The following TCF25 variants were observed in gnomAD, a reference collection of about 807,000 sequenced individuals.
TCF25 encodes ribosome quality control complex subunit TCF25.
Under a neutral mutation model 83.1 loss-of-function variants are expected in TCF25, and 41 were observed. That is an observed-to-expected ratio of 0.49 (90% confidence interval 0.38 to 0.64). TCF25 has a LOEUF of 0.64. Ranked by LOEUF, TCF25 falls within the 30% of genes least tolerant of loss-of-function variation. The pLI is 0.00. For missense variants in TCF25, 979 were observed against 914.5 expected, an observed-to-expected ratio of 1.07 and a Z score of -0.91; for synonymous variants, 458 against 365.0, an observed-to-expected ratio of 1.25 and a Z score of -2.90.
intron 9 of TCF25, among the ~76,000 whole-genome samples, chr16:89,896,859 A>G (rs975101848): frequency 3.9e-5 from 6 of 152,044 alleles, no homozygotes; most frequent in African/African-American, 1.4e-4. Context: ...CGGCCACTAC[A>G]GAACATTTTA....
intron 9 of TCF25, among the ~76,000 whole-genome samples, chr16:89,896,351 C>G (rs555724624): frequency 6.6e-6 from 1 of 152,142 alleles, no homozygotes; most frequent in East Asian, 1.9e-4. Flanking sequence ...CAAGTCCAGC[C>G]TGGGCACCAT....
At chr16:89,906,346 C>T (rs748753778) in intron 15 of TCF25, 62 bp downstream of exon 15, 2 of 1,543,734 alleles carry the variant, frequency 1.3e-6, no homozygotes, top group Non-Finnish European at 1.8e-6. Context: ...GTCCCTTCTG[C>T]TCCGGGCGGT....
chr16:89,906,265 C>T lies in TCF25; in HGVS notation c.1700C>T (p.Ala567Val). Residue 567 changes from alanine (A) to valine (V), a missense_variant, in exon 15 of 18, where the codon GCC becomes GTC. By Grantham distance (64) the Ala-to-Val change is moderately conservative. Coordinates refer to ENST00000263346, the MANE Select transcript of TCF25 (RefSeq NM_014972.3). ...RHVILSEIKEAVAALPPDVTT... is the reference protein window; with the variant it reads ...RHVILSEIKEVVAALPPDVTT... Reference sequence around the variant, plus strand: ...GTGATCCTCTCTGAGATCAAGGAAGCCGTCGCTGCCCTGCCCCCGGTAAGG... The same window carrying T: ...GTGATCCTCTCTGAGATCAAGGAAGTCGTCGCTGCCCTGCCCCCGGTAAGG... The T allele has an allele frequency of 6.2e-7, 1 of 1,613,192 alleles. No individual in the cohort carries two copies.
chr16:89,905,941 C>G (rs1448759896), intron 14 of TCF25, among the ~76,000 whole-genome samples: 1 of 152,196 alleles, frequency 6.6e-6, no homozygotes, highest in Non-Finnish European at 1.5e-5. Flanking sequence ...CGGCTCTCAT[C>G]GTTCTTGTTC....
Position 89,873,667 on chromosome 16 carries a change from T to A in TCF25, c.-1T>A. The A allele has an allele frequency of 6.3e-7, 1 of 1,596,350 alleles. No individual in the cohort carries two copies. The highest frequency in any genetic ancestry group is 8.5e-7 in the Non-Finnish European group (1 of 1,174,566). ...TCCAGACGTCGTGGTCGTTCGGTCC[T>A]ATGTCGCGCCGGGCCCTCCGGAGGC... On this transcript the variant is annotated 5_prime_UTR_variant, in exon 1 of 18. Transcript: ENST00000263346.
At chr16:89,878,583 T>G (rs1038561256) in intron 1 of TCF25, 21 of 1,171,082 alleles carry the variant, frequency 1.8e-5, no homozygotes, top group Non-Finnish European at 2.0e-5. Flanking sequence ...TTGTGAAATG[T>G]TCCCCATTTG....
At chr16:89,890,953 C>T (rs1037283348) in intron 5 of TCF25, among the ~76,000 whole-genome samples, 2 of 152,124 alleles carry the variant, frequency 1.3e-5, no homozygotes, top group Admixed American at 6.6e-5. Context: ...CCTGCTCCTC[C>T]AAGACAAAGA....
Position 89,904,990 on chromosome 16 carries a change from TTTC to T in TCF25, c.1524_1526del (p.Leu509del). On this transcript the variant is annotated inframe_deletion, in exon 14 of 18. Coordinates refer to ENST00000263346, the MANE Select transcript of TCF25 (RefSeq NM_014972.3). ...GAACCTGTACCTTGGGAGGTCACAC[TTTC>T]TCTGGAAAGAGCCCGCCACCATGAG... 1 of 1,607,918 alleles carries T rather than the reference TTTC, an allele frequency of 6.2e-7. No homozygotes were observed. Among genetic ancestry groups the T allele is most frequent in the Non-Finnish European group, 8.5e-7 (1 of 1,177,580 alleles).
In TCF25 at chr16:89,910,679, C is replaced by A; in HGVS notation, c.1872+16C>A. 6.2e-7 allele frequency: 1 copy of A among 1,612,898 alleles called. No individual in the cohort carries two copies. The highest frequency in any genetic ancestry group is 8.5e-7 in the Non-Finnish European group (1 of 1,179,728). ...TACCATGGAGGTAGGTTGAGCTCGTCCCAGCCCCTGCCTCCCCAGTGGGTG... is the reference window on the plus strand; with the variant it reads ...TACCATGGAGGTAGGTTGAGCTCGTACCAGCCCCTGCCTCCCCAGTGGGTG... On this transcript the variant is annotated intron_variant, in intron 17 of 17. Transcript: ENST00000263346.
chr16:89,881,216 C>T (rs920205581), intron 1 of TCF25, among the ~76,000 whole-genome samples: 2 of 152,176 alleles, frequency 1.3e-5, no homozygotes, highest in African/African-American at 2.4e-5. Flanking sequence ...CTTCAGCAAC[C>T]GCAGCCGGGG....
intron 11 of TCF25, among the ~76,000 whole-genome samples, chr16:89,899,694 C>G (rs1401155144): frequency 6.6e-6 from 1 of 151,750 alleles, no homozygotes; most frequent in Non-Finnish European, 1.5e-5. Context: ...CGCCATTGCA[C>G]TCCAGTCTGG....
At chr16:89,886,178 A>G (rs1356737832) in intron 4 of TCF25, 1 of 541,706 alleles carries the variant, frequency 1.8e-6, no homozygotes, top group Non-Finnish European at 3.5e-6. Context: ...CTGTAATCCC[A>G]GCACTTTGGG....
intron 14 of TCF25, 52 bp from the exon 15 acceptor site, chr16:89,906,142 C>T: frequency 2.0e-6 from 3 of 1,526,704 alleles, no homozygotes; most frequent in Non-Finnish European, 2.7e-6. Flanking sequence ...TGGCGGTTAC[C>T]ATTTCATTTG....
Position 89,898,759 on chromosome 16 carries a change from T to C in TCF25, c.1116-8T>C. ...CCTTTGCTCTGCTCTCTGTGCTGCC[T>C]CCGGAAGTCTCGAGCCGGATGAGGA... On this transcript the variant is annotated splice_polypyrimidine_tract_variant and splice_region_variant and intron_variant, in intron 10 of 17. Coordinates refer to ENST00000263346, the MANE Select transcript of TCF25 (RefSeq NM_014972.3). The C allele has an allele frequency of 6.2e-7, 1 of 1,613,744 alleles. No homozygotes were observed. Among genetic ancestry groups the C allele is most frequent in the South Asian group, 1.1e-5 (1 of 91,074 alleles).
At chr16:89,876,115 C>A (rs1284971759) in intron 1 of TCF25, among the ~76,000 whole-genome samples, 1 of 151,996 alleles carries the variant, frequency 6.6e-6, no homozygotes, top group Non-Finnish European at 1.5e-5. Flanking sequence ...CACACAAACC[C>A]TTGTGGACTT....
chr16:89,900,233 C>CGGT (rs1385355506), intron 11 of TCF25, among the ~76,000 whole-genome samples: 1 of 147,718 alleles, frequency 6.8e-6, no homozygotes, highest in South Asian at 2.2e-4. Context: ...ACTCGCGTGG[C>CGGT]GGGCTGCTCT....
At position 89,896,067 on chromosome 16, in the gene TCF25, C is replaced by G. The variant is rs375812336; in HGVS notation, c.1006C>G (p.Arg336Gly). The change falls in exon 9 of 18, where the codon CGC becomes GGC. Residue 336 changes from arginine (R) to glycine (G), a missense_variant. By Grantham distance (125) the Arg-to-Gly change is moderately radical. Coordinates refer to ENST00000263346, the MANE Select transcript of TCF25 (RefSeq NM_014972.3). ...LTSGACRLDY[R>G]RPENRSFYLA... Reference sequence around the variant, plus strand: ...CAGTGGGGCCTGCCGGCTGGATTACCGCAGACCCGAGAACAGGTGAGTGCA... The same window carrying G: ...CAGTGGGGCCTGCCGGCTGGATTACGGCAGACCCGAGAACAGGTGAGTGCA... The G allele has an allele frequency of 1.2e-6, 2 of 1,613,680 alleles. No homozygotes were observed. The highest frequency in any genetic ancestry group is 8.5e-7 in the Non-Finnish European group (1 of 1,179,962).
rs2042353559 is a variant in TCF25 at position 89,878,432 on chromosome 16, CCAT to C, written c.192+4574_192+4576del. The stretch of plus-strand genomic sequence containing the variant: ...GAAACTCCGTCTCTATTAAAAATCA[CCAT>C]TTTTTTTTTTTTTTTTTTTTTTTAG... On this transcript the variant is annotated intron_variant, in intron 1 of 17. Coordinates refer to ENST00000263346, the MANE Select transcript of TCF25 (RefSeq NM_014972.3). The C allele has an allele frequency of 3.9e-6, 4 of 1,018,178 alleles. No individual in the cohort carries two copies. In the South Asian group the frequency reaches 5.9e-5, roughly 15 times the overall value. The allele number at this position is 1,018,178 out of a possible 1,614,324, so 63.1% of individuals were successfully genotyped here. A position where few individuals can be genotyped will look rare whatever the true frequency, so the allele number is the denominator to read the frequency against.
In TCF25 at chr16:89,904,125, G is replaced by A. The variant is rs2044576466; in HGVS notation, c.1389G>A (p.Leu463=). ...CCTCCGCTTCCCCTGCAGTCCTCCT[G>A]CCCCTGCTCGAGTCTTGCAGTGTGC... is the stretch of plus-strand genomic sequence containing the variant. The part of the protein sequence containing the change: ...QALTMFPGVL[L]PLLESCSVRP... Residue 463 remains leucine, a synonymous_variant, in exon 13 of 18, where the codon CTG becomes CTA. Coordinates refer to ENST00000263346, the MANE Select transcript of TCF25 (RefSeq NM_014972.3). 2 of 1,606,336 alleles carry A rather than the reference G, an allele frequency of 1.2e-6. No homozygotes were observed. The highest frequency in any genetic ancestry group is 1.3e-5 in the African/African-American group (1 of 74,914).
Sources: gnomAD v4.1 joint callset for allele counts (sites outside exome capture counted in the v4.1 genomes callset) on GRCh38, gnomAD v4.1.1 for gene constraint, MANE v1.5 for transcripts, NCBI Gene and HGNC (gene_info 2026-07-23, HGNC 2026-07-21) for gene names.